The following PNO1 variants were observed in gnomAD, a reference collection of about 807,000 sequenced individuals.
The protein encoded by PNO1 is partner of NOB1 homolog.
PNO1 carries 16 observed loss-of-function variants against 28.4 expected under a neutral mutation model. The observed-to-expected ratio is 0.56, with a 90% CI of 0.38 to 0.85. The LOEUF (loss-of-function observed/expected upper bound fraction) is 0.85. PNO1 is among the 40% of genes least tolerant of loss of function. The probability of loss-of-function intolerance (pLI) is 0.00; values close to 1 mark genes in which losing one functional copy is unlikely to be tolerated. For synonymous variants in PNO1, 115 were observed against 110.8 expected, an observed-to-expected ratio of 1.04 and a Z score of -0.24; for missense variants, 304 against 312.2, an observed-to-expected ratio of 0.97 and a Z score of 0.20.
At chr2:68,173,605 C>T (rs1674190665) in intron 6 of PNO1, among the ~76,000 whole-genome samples, 188 bp downstream of exon 6, 2 of 139,094 alleles carry the variant, frequency 1.4e-5, no homozygotes. Context: ...TTTTCTGAGC[C>T]AGAGTCTCGC....
At chr2:68,165,033 C>CATG (rs1366638251) in intron 5 of PNO1, among the ~76,000 whole-genome samples, 1 of 148,022 alleles carries the variant, frequency 6.8e-6, no homozygotes, top group African/African-American at 2.6e-5. Flanking sequence ...ATCATCAAGT[C>CATG]ATGGACTGGC....
In PNO1 at chr2:68,175,091, CAG is replaced by C. The variant is rs538613800; in HGVS notation, c.*292_*293del. On this transcript the variant is annotated 3_prime_UTR_variant, in exon 7 of 7. Coordinates refer to ENST00000263657, the MANE Select transcript of PNO1 (RefSeq NM_020143.4). ...CAGATTGCATAGTCTGTAATCCTCT[CAG>C]AGGGAAACTTCTTGTTTAAACAGCT... The C allele has an allele frequency of 3.8e-3, 996 of 260,234 alleles. 2 individuals carry two copies. Among genetic ancestry groups the C allele is most frequent in the Non-Finnish European group, 6.1e-3 (836 of 138,094 alleles). The allele number at this position is 260,234 out of a possible 1,614,324, so 16.1% of individuals were successfully genotyped here.
At chr2:68,159,581 G>T (rs899911402) in intron 2 of PNO1, among the ~76,000 whole-genome samples, 2 of 151,582 alleles carry the variant, frequency 1.3e-5, no homozygotes, top group Non-Finnish European at 2.9e-5. Context: ...TTCTTTTCTG[G>T]GTGCCAATTT....
intron 5 of PNO1, among the ~76,000 whole-genome samples, chr2:68,170,040 G>C (rs528823351): frequency 1.3e-5 from 2 of 152,302 alleles, no homozygotes; most frequent in East Asian, 3.9e-4. Flanking sequence ...CTGAATTACA[G>C]ACTACTTGAA....
rs1417632370 is a variant in PNO1 at position 68,176,053 on chromosome 2, TAGTA to T, written c.*1254_*1257del. ...GAATAATTCTAAAGTTGAAAAATAA[TAGTA>T]AGAACCATCATAAGTCTGTTTCTTC... On this transcript the variant is annotated 3_prime_UTR_variant, in exon 7 of 7. Coordinates refer to ENST00000263657, the MANE Select transcript of PNO1 (RefSeq NM_020143.4). 3 of 152,208 alleles carry T rather than the reference TAGTA, an allele frequency of 2.0e-5. No homozygotes were observed. Among genetic ancestry groups the T allele is most frequent in the East Asian group, 3.8e-4 (2 of 5,204 alleles). 9.4% of individuals were successfully genotyped at this position (152,208 alleles called of 1,614,324 possible). A position where few individuals can be genotyped will look rare whatever the true frequency, so the allele number is the denominator to read the frequency against.
intron 6 of PNO1, 122 bp from the exon 7 acceptor site, chr2:68,174,613 C>A: frequency 1.7e-6 from 1 of 589,302 alleles, no homozygotes; most frequent in South Asian, 2.3e-5. Context: ...GAGACTTGAG[C>A]ATCCAAGGAT....
chr2:68,161,597 TG>T, intron 2 of PNO1, 85 bp from the exon 3 acceptor site: 1 of 843,038 alleles, frequency 1.2e-6, no homozygotes. Context: ...TCTCCAATAA[TG>T]GGAAAGGACA....
chr2:68,163,473 G>A (rs1233185689), intron 5 of PNO1, among the ~76,000 whole-genome samples: 1 of 152,186 alleles, frequency 6.6e-6, no homozygotes, highest in East Asian at 1.9e-4. Flanking sequence ...GGAGGTTGCA[G>A]TGAGCCGAGA....
chr2:68,158,581 A>T lies in PNO1; in HGVS notation c.357+52A>T, dbSNP rs558708913. 2 of 1,500,872 alleles carry T rather than the reference A, an allele frequency of 1.3e-6. 1 individual carries two copies. Among genetic ancestry groups the T allele is most frequent in the Admixed American group, 3.9e-5 (2 of 51,316 alleles). The allele number at this position is 1,500,872 out of a possible 1,614,324, so 93.0% of individuals were successfully genotyped here. On this transcript the variant is annotated intron_variant, in intron 2 of 6. Transcript: ENST00000263657. ...ATACACCAGGCTTTCTCTCCTACAG[A>T]GATGAAAAGGCATGAATAGGCTTTA...
chr2:68,165,363 C>CAAAAAAA (rs770897170), intron 5 of PNO1, among the ~76,000 whole-genome samples: 3 of 24,804 alleles, frequency 1.2e-4, no homozygotes, highest in Non-Finnish European at 2.2e-4. Context: ...GACTCCGTCT[C>CAAAAAAA]AAAAAAAAAA....
rs1465860559 is a variant in PNO1, at chr2:68,174,756, A to G, written c.713A>G (p.Tyr238Cys). 1.9e-6 allele frequency: 3 copies of G among 1,609,620 alleles called. No individual in the cohort carries two copies. Among genetic ancestry groups the G allele is most frequent in the Non-Finnish European group, 2.6e-6 (3 of 1,176,454 alleles). The change falls in exon 7 of 7, where the codon TAT becomes TGT. Residue 238 changes from tyrosine (Y) to cysteine (C), a missense_variant. Coordinates refer to ENST00000263657, the MANE Select transcript of PNO1 (RefSeq NM_020143.4). ...GCAGGAAATCCTCCTTCCAAGGTTTATGGCAATATTCGAGCTGTGGCTAGC... is the reference window on the plus strand; with the variant it reads ...GCAGGAAATCCTCCTTCCAAGGTTTGTGGCAATATTCGAGCTGTGGCTAGC... ...LILGNPPSKV[Y>C]GNIRAVASRS...
chr2:68,163,931 G>A (rs752256644), intron 5 of PNO1, among the ~76,000 whole-genome samples: 11 of 152,072 alleles, frequency 7.2e-5, no homozygotes, highest in Non-Finnish European at 1.3e-4. Flanking sequence ...GAGGAGGAGG[G>A]TTCTGCCTAT....
chr2:68,158,231 G>A, intron 1 of PNO1, 90 bp downstream of exon 1: 1 of 1,414,050 alleles, frequency 7.1e-7, no homozygotes, highest in Non-Finnish European at 9.6e-7. Flanking sequence ...AGCTGCGGTG[G>A]GGCTGTTCTG....
intron 5 of PNO1, among the ~76,000 whole-genome samples, chr2:68,169,956 GGTT>G (rs928428279): frequency 2.0e-5 from 3 of 152,056 alleles, no homozygotes; most frequent in African/African-American, 7.3e-5. Context: ...TGGACTTTTG[GGTT>G]GTTTTCAGTT....
At chr2:68,162,191 T>C in intron 3 of PNO1, 74 bp from the exon 4 acceptor site, 2 of 1,099,660 alleles carry the variant, frequency 1.8e-6, no homozygotes, top group Non-Finnish European at 2.7e-6. Context: ...TTTAGTTCCA[T>C]AGTGCTTTGC....
chr2:68,159,432 C>T (rs1673772878), intron 2 of PNO1, among the ~76,000 whole-genome samples: 1 of 152,048 alleles, frequency 6.6e-6, no homozygotes, highest in Admixed American at 6.5e-5. Flanking sequence ...TAGTCTCGAA[C>T]TCCTGACCTC....
intron 4 of PNO1, 24 bp from the exon 5 acceptor site, chr2:68,162,522 T>G: frequency 2.6e-6 from 4 of 1,518,002 alleles, no homozygotes; most frequent in African/African-American, 1.4e-5. Context: ...GCTTGCCTCC[T>G]GAGATCTTGC....
At chr2:68,167,744 G>A (rs1033430896) in intron 5 of PNO1, among the ~76,000 whole-genome samples, 76 of 152,170 alleles carry the variant, frequency 5.0e-4, no homozygotes, top group African/African-American at 1.7e-3. Context: ...GCCCTTTGGT[G>A]AGCAGAAGCT....
Position 68,175,818 on chromosome 2 carries a change from G to T in PNO1, c.*1016G>T, listed in dbSNP as rs1212630197. On this transcript the variant is annotated 3_prime_UTR_variant, in exon 7 of 7. Transcript: ENST00000263657. ...GGGTTTAGGTCCAGATAAGCCCACT[G>T]TGAGTTGAAAATACCAAAAGTCAAA... 6.6e-6 allele frequency: 1 copy of T among 152,228 alleles called. No homozygotes were observed. The highest frequency in any genetic ancestry group is 6.5e-5 in the Admixed American group (1 of 15,280). The allele number at this position is 152,228 out of a possible 1,614,324, so 9.4% of individuals were successfully genotyped here. A position where few individuals can be genotyped will look rare whatever the true frequency, so the allele number is the denominator to read the frequency against.
Sources: allele counts gnomAD v4.1 joint callset (sites outside exome capture counted in the v4.1 genomes callset), GRCh38; gene constraint gnomAD v4.1.1; transcripts MANE v1.5; gene names NCBI Gene and HGNC (gene_info 2026-07-23, HGNC 2026-07-21).